Variants in ZFHX3 observed in about 807,000 individuals in gnomAD.
ZFHX3 encodes the protein zinc finger homeobox 3.
In ZFHX3, 42 loss-of-function variants were observed where a neutral mutation model predicts 279.1. The observed-to-expected ratio is 0.15, with a 90% CI of 0.12 to 0.19. ZFHX3 has a LOEUF of 0.19. ZFHX3 is among the 10% of genes least tolerant of loss of function. The pLI is 1.00. For synonymous variants in ZFHX3, 2,293 were observed against 1,957.8 expected (o/e 1.17, Z -4.52); for missense variants, 4,981 against 4,754.0 (o/e 1.05, Z -1.40).
chr16:73,014,544 T>TTTTTTTTTTTG (rs1414520446), intron 1 of ZFHX3: 1 of 143,392 alleles, frequency 7.0e-6, no homozygotes, highest in African/African-American at 2.6e-5. Context: ...TTTTTTTTTT[T>TTTTTTTTTTTG]TTGAGACACA....
chr16:72,909,877 C>CA (rs66982395), intron 3 of ZFHX3, among the ~76,000 whole-genome samples: 20,586 of 81,378 alleles, frequency 0.25, 3,015 homozygotes, highest in East Asian at 0.64. Flanking sequence ...CACCGTGTCT[C>CA]AAAAAAAAAA....
chr16:73,698,540 A>G (rs772860497), intron 1 of ZFHX3, among the ~76,000 whole-genome samples: 8 of 152,230 alleles, frequency 5.3e-5, no homozygotes, highest in Non-Finnish European at 7.3e-5. Context: ...CGTCAGTAAT[A>G]AGACATATTG....
At chr16:73,749,552 A>T (rs914997725) in intron 1 of ZFHX3, among the ~76,000 whole-genome samples, 1 of 152,186 alleles carries the variant, frequency 6.6e-6, no homozygotes, top group Non-Finnish European at 1.5e-5. Flanking sequence ...ATTATGAAGT[A>T]TTTAAAAAAC....
At position 73,437,007 on chromosome 16, in the gene ZFHX3, A is replaced by C. The variant is rs181709026; in HGVS notation, c.-1291+18996T>G. Among the ~76,000 whole-genome samples the C allele has an allele frequency of 1.4e-4, 21 of 152,236 alleles. No homozygotes were observed. The East Asian group carries it at 3.5e-3, about 25-fold the overall frequency. On this transcript the variant is annotated intron_variant, in intron 3 of 17. Coordinates refer to the ZFHX3 transcript ENST00000641206. ...TTGAAGCTTCTTCAGTTGTTTGGCTAGACAGGCTCTGGGGAGGCCTGGAGC... is the reference window on the plus strand; with the variant it reads ...TTGAAGCTTCTTCAGTTGTTTGGCTCGACAGGCTCTGGGGAGGCCTGGAGC...
chr16:72,884,210 T>A (rs2144042205), intron 4 of ZFHX3, among the ~76,000 whole-genome samples: 1 of 152,318 alleles, frequency 6.6e-6, no homozygotes, highest in East Asian at 1.9e-4. Flanking sequence ...ATGAGGCCAG[T>A]GAGTGTTGCA....
At chr16:73,809,100 G>T (rs1960360709) in intron 1 of ZFHX3, 1 of 152,210 alleles carries the variant, frequency 6.6e-6, no homozygotes, top group Non-Finnish European at 1.5e-5. Context: ...ATGGGAGGAG[G>T]TACCAAACGG....
chr16:73,045,543 T>C (rs1965263002), intron 1 of ZFHX3, among the ~76,000 whole-genome samples: 1 of 152,042 alleles, frequency 6.6e-6, no homozygotes, highest in Non-Finnish European at 1.5e-5. Context: ...AGATGGGCCT[T>C]TCCAACCCTC....
chr16:73,056,187 G>A (rs923916272), intron 1 of ZFHX3, among the ~76,000 whole-genome samples: 1 of 151,944 alleles, frequency 6.6e-6, no homozygotes, highest in Non-Finnish European at 1.5e-5. Flanking sequence ...AATCCTCTTC[G>A]TACACCATTT....
chr16:73,698,285 T>C lies in ZFHX3; in HGVS notation c.-1607-18045A>G, dbSNP rs112546464. Among the ~76,000 whole-genome samples the C allele has an allele frequency of 9.8e-3, 1,492 of 152,190 alleles. 25 individuals carry two copies. Among genetic ancestry groups the C allele is most frequent in the African/African-American group, 0.035 (1,444 of 41,518 alleles). ...TAAATAAAAAATGGAAGAGAAAAGATAGCTCTTATTTTCAGAAGAATTCCA... is the reference window on the plus strand; with the variant it reads ...TAAATAAAAAATGGAAGAGAAAAGACAGCTCTTATTTTCAGAAGAATTCCA... On this transcript the variant is annotated intron_variant, in intron 1 of 17. Transcript: ENST00000641206.
rs553177305 is a variant in ZFHX3, at chr16:73,146,921, G to C, written c.-1103-3090C>G. The stretch of plus-strand genomic sequence containing the variant: ...ATCCACCTGCCTTGGCCTTCCAAAA[G>C]TGCTAGAATTACAGACGTGAGCCAC... On this transcript the variant is annotated intron_variant, in intron 5 of 17. Coordinates refer to the ZFHX3 transcript ENST00000641206. Among the ~76,000 whole-genome samples the C allele has an allele frequency of 6.8e-4, 104 of 152,314 alleles. 1 individual carries two copies. The highest frequency in any genetic ancestry group is 2.4e-3 in the African/African-American group (101 of 41,570).
intron 3 of ZFHX3, among the ~76,000 whole-genome samples, chr16:73,349,593 CCTCT>C (rs1296660921): frequency 2.0e-5 from 3 of 149,476 alleles, no homozygotes; most frequent in Non-Finnish European, 4.4e-5. Flanking sequence ...TATCGCTTTA[CCTCT>C]CTCTCTCCCT....
At chr16:73,306,924 G>T (rs2015195909) in intron 4 of ZFHX3, among the ~76,000 whole-genome samples, 1 of 152,214 alleles carries the variant, frequency 6.6e-6, no homozygotes, top group South Asian at 2.1e-4. Flanking sequence ...AGAGTTAGGT[G>T]AAGGCTAAAT....
intron 3 of ZFHX3, among the ~76,000 whole-genome samples, chr16:72,931,081 T>C (rs1374095738): frequency 6.6e-6 from 1 of 152,216 alleles, no homozygotes; most frequent in Non-Finnish European, 1.5e-5. Context: ...ACTTATTTCT[T>C]ATACACCTCT....
At chr16:73,657,370 A>G (rs536198015) in intron 2 of ZFHX3, among the ~76,000 whole-genome samples, 2 of 152,224 alleles carry the variant, frequency 1.3e-5, no homozygotes, top group African/African-American at 4.8e-5. Context: ...GGCAGGGAGA[A>G]TCACCTAAAT....
chr16:73,143,450 G>A (rs1161692199), intron 6 of ZFHX3, among the ~76,000 whole-genome samples: 1 of 152,152 alleles, frequency 6.6e-6, no homozygotes, highest in Admixed American at 6.5e-5. Flanking sequence ...GCATATTTCT[G>A]TCACATTCAT....
intron 3 of ZFHX3, among the ~76,000 whole-genome samples, chr16:72,929,824 C>T (rs972025707): frequency 1.3e-5 from 2 of 152,196 alleles, no homozygotes; most frequent in African/African-American, 4.8e-5. Flanking sequence ...GAAAGGAGAC[C>T]GCATCAATTA....
intron 3 of ZFHX3, among the ~76,000 whole-genome samples, chr16:73,386,358 T>C (rs1221968990): frequency 6.6e-6 from 1 of 152,198 alleles, no homozygotes; most frequent in Non-Finnish European, 1.5e-5. Context: ...GGTTCACCCC[T>C]TACTAGATGT....
intron 5 of ZFHX3, among the ~76,000 whole-genome samples, chr16:73,230,475 C>G (rs78167900): frequency 0.03 from 4,637 of 152,288 alleles, 98 homozygotes; most frequent in Non-Finnish European, 0.048. Flanking sequence ...TAGGCCACTT[C>G]TGAATCCTCC....
chr16:73,309,153 G>C (rs1476692289), intron 4 of ZFHX3, among the ~76,000 whole-genome samples: 1 of 152,126 alleles, frequency 6.6e-6, no homozygotes, highest in African/African-American at 2.4e-5. Context: ...ATGGGGATCT[G>C]TTTTATGGAC....
Sources: gnomAD v4.1 joint callset for allele counts (sites outside exome capture counted in the v4.1 genomes callset) on GRCh38, gnomAD v4.1.1 for gene constraint, MANE v1.5 for transcripts, NCBI Gene and HGNC (gene_info 2026-07-23, HGNC 2026-07-21) for gene names.